NAV3: variants seen among roughly 807,000 people sequenced by gnomAD.
NAV3 encodes neuron navigator 3, also known as pore membrane and/or filament interacting like protein 1.
In NAV3, 87 loss-of-function variants were observed where a neutral mutation model predicts 244.7. The ratio of observed to expected loss-of-function variants is 0.36; its 90% CI spans 0.30 to 0.42. The LOEUF (loss-of-function observed/expected upper bound fraction) is 0.42, where lower values mean the gene tolerates loss of function less well. Ranked by LOEUF, NAV3 falls within the 20% of genes least tolerant of loss-of-function variation. NAV3 has a pLI of 1.00. For missense variants in NAV3, 2,663 were observed against 2,893.3 expected, an observed-to-expected ratio of 0.92 and a Z score of 1.83; for synonymous variants, 1,126 against 1,042.2, an observed-to-expected ratio of 1.08 and a Z score of -1.55.
chr12:77,768,868 C>T (rs914354245), intron 2 of NAV3, among the ~76,000 whole-genome samples: 4 of 152,222 alleles, frequency 2.6e-5, no homozygotes, highest in African/African-American at 7.2e-5. Flanking sequence ...GTCTTTTCAG[C>T]AGCTGCTCCA....
At chr12:78,188,411 T>C (rs1958822653) in intron 32 of NAV3, 68 bp downstream of exon 32, 1 of 1,354,412 alleles carries the variant, frequency 7.4e-7, no homozygotes, top group East Asian at 2.3e-5. Context: ...TTCCATAACT[T>C]CAATAGCAGA....
chr12:77,997,152 C>T (rs2700557), intron 6 of NAV3, among the ~76,000 whole-genome samples: 2 of 146,378 alleles, frequency 1.4e-5, no homozygotes, highest in Admixed American at 7.1e-5. Context: ...GCAGGAGAAT[C>T]GCTTGAACCC....
At chr12:77,808,881 A>G (rs1872130818) in intron 2 of NAV3, among the ~76,000 whole-genome samples, 1 of 152,156 alleles carries the variant, frequency 6.6e-6, no homozygotes, top group South Asian at 2.1e-4. Context: ...CTCAGAGAGG[A>G]GGAATCTAGG....
intron 12 of NAV3, among the ~76,000 whole-genome samples, chr12:78,078,585 C>T (rs1365703613): frequency 1.3e-5 from 2 of 151,454 alleles, no homozygotes; most frequent in African/African-American, 2.4e-5. Context: ...TTAGTAGAGA[C>T]GGGGTTTCAC....
chr12:78,141,528 T>C (rs1385248177), intron 20 of NAV3, among the ~76,000 whole-genome samples: 2 of 152,170 alleles, frequency 1.3e-5, no homozygotes, highest in Non-Finnish European at 2.9e-5. Flanking sequence ...TTTCACTCAT[T>C]ATCATTAGGT....
chr12:77,694,867 C>A (rs1875221507), intron 2 of NAV3, among the ~76,000 whole-genome samples: 1 of 152,074 alleles, frequency 6.6e-6, no homozygotes, highest in African/African-American at 2.4e-5. Context: ...AGTGTCAGAT[C>A]CATGAGATAA....
rs1953541554 is a variant in NAV3 at position 78,084,761 on chromosome 12, T to G, written c.2636+25646T>G. Among the ~76,000 whole-genome samples, 3 of 152,218 alleles carry G rather than the reference T, an allele frequency of 2.0e-5. No homozygotes were observed. The South Asian group carries it at 6.2e-4, about 32-fold the overall frequency. On this transcript the variant is annotated intron_variant, in intron 12 of 39. Coordinates refer to ENST00000397909, the MANE Select transcript of NAV3 (RefSeq NM_001024383.2). ...TTACTAAACTAATCAATGACTTTCT[T>G]ATTAAGGTTAGCAATGGCTTTCATT...
chr12:78,190,322 G>A, intron 34 of NAV3, 103 bp downstream of exon 34: 3 of 919,392 alleles, frequency 3.3e-6, no homozygotes, highest in Non-Finnish European at 4.9e-6. Flanking sequence ...ACATGGAAAA[G>A]AATATCCATC....
At chr12:77,796,719 C>T (rs1052552074) in intron 2 of NAV3, among the ~76,000 whole-genome samples, 2 of 152,192 alleles carry the variant, frequency 1.3e-5, no homozygotes, top group Admixed American at 6.5e-5. Context: ...TAGCAATCAC[C>T]ACCTTTGCTG....
In NAV3 at chr12:77,967,304, T is replaced by C. The variant is rs1014738174; in HGVS notation, c.487+1003T>C. On this transcript the variant is annotated intron_variant, in intron 4 of 39. Coordinates refer to ENST00000397909, the MANE Select transcript of NAV3 (RefSeq NM_001024383.2). ...TTAAACATGCAAAATAATAAAACAA[T>C]AATTTTTTAAAGACTCTTTAAACAA... 2.6e-5 allele frequency among the ~76,000 whole-genome samples: 4 copies of C among 152,084 alleles called. 1 individual carries two copies. The highest frequency in any genetic ancestry group is 9.7e-5 in the African/African-American group (4 of 41,436).
At chr12:77,668,718 T>C (rs1010349373) in intron 2 of NAV3, among the ~76,000 whole-genome samples, 1 of 152,186 alleles carries the variant, frequency 6.6e-6, no homozygotes, top group African/African-American at 2.4e-5. Flanking sequence ...TTGGAAAACA[T>C]ATTTTAGAGA....
intron 12 of NAV3, among the ~76,000 whole-genome samples, chr12:78,064,403 C>CTGTG (rs143068148): frequency 2.2e-3 from 287 of 129,732 alleles, no homozygotes; most frequent in African/African-American, 7.9e-3. Flanking sequence ...CTGTGTCTGT[C>CTGTG]TGTCTGTCTG....
chr12:77,645,767 C>G (rs1259540080), intron 2 of NAV3, among the ~76,000 whole-genome samples: 2 of 152,014 alleles, frequency 1.3e-5, no homozygotes, highest in Non-Finnish European at 2.9e-5. Context: ...GACGGAAGCT[C>G]CATAGGTGTT....
At chr12:78,029,202 T>A (rs1315064437) in intron 9 of NAV3, among the ~76,000 whole-genome samples, 1 of 151,688 alleles carries the variant, frequency 6.6e-6, no homozygotes, top group Admixed American at 6.6e-5. Flanking sequence ...AAAAATACTT[T>A]CAGAGTCCAT....
rs575608692 is a variant in NAV3 at position 78,061,070 on chromosome 12, CCAGCAGCAG to C, written c.2636+1969_2636+1977del. ...TGCCTCTTAAAGTGTGGTACCTGGA[CCAGCAGCAG>C]CAGCAGCAGCAGCCATTGAAACTTC... On this transcript the variant is annotated intron_variant, in intron 12 of 39. Transcript: ENST00000397909. 4.3e-4 allele frequency among the ~76,000 whole-genome samples: 65 copies of C among 151,882 alleles called. 1 individual carries two copies. Among genetic ancestry groups the C allele is most frequent in the Non-Finnish European group, 6.6e-4 (45 of 67,868 alleles).
chr12:78,119,144 T>C (rs1038009371), intron 14 of NAV3, 93 bp from the exon 15 acceptor site: 1 of 1,193,002 alleles, frequency 8.4e-7, no homozygotes, highest in Non-Finnish European at 1.2e-6. Context: ...GGAAATAATA[T>C]AAAGAAGCAT....
At chr12:78,157,939 G>C (rs1239167192) in intron 22 of NAV3, among the ~76,000 whole-genome samples, 1 of 152,072 alleles carries the variant, frequency 6.6e-6, no homozygotes, top group African/African-American at 2.4e-5. Context: ...GTAAAGAAAG[G>C]CATCCCAGGA....
chr12:77,990,594 A>G (rs1446134601), intron 5 of NAV3, among the ~76,000 whole-genome samples: 1 of 152,238 alleles, frequency 6.6e-6, no homozygotes, highest in Non-Finnish European at 1.5e-5. Flanking sequence ...CATCAGTTTT[A>G]TGGGACATTT....
At chr12:77,815,432 A>G (rs913936848) in intron 2 of NAV3, among the ~76,000 whole-genome samples, 1 of 152,188 alleles carries the variant, frequency 6.6e-6, no homozygotes, top group Admixed American at 6.5e-5. Flanking sequence ...GAATTACAGC[A>G]TATAGATTTT....
Sources: allele counts gnomAD v4.1 joint callset (sites outside exome capture counted in the v4.1 genomes callset), GRCh38; gene constraint gnomAD v4.1.1; transcripts MANE v1.5; gene names NCBI Gene and HGNC (gene_info 2026-07-23, HGNC 2026-07-21).